Variants in SYT14 observed in about 807,000 individuals in gnomAD.
SYT14 encodes synaptotagmin-14.
A neutral mutation model predicts 74.2 loss-of-function variants in SYT14; 32 were observed. The observed-to-expected ratio is 0.43, with a 90% confidence interval of 0.33 to 0.58. SYT14 has a LOEUF of 0.58. Among genes scored for constraint, SYT14 ranks in the 20% least tolerant of loss-of-function variants. The pLI, the probability that SYT14 is intolerant of heterozygous loss-of-function variation, is 0.05. For synonymous variants in SYT14, 298 were observed against 337.7 expected, an observed-to-expected ratio of 0.88 and a Z score of 1.29; for missense variants, 791 against 981.8, an observed-to-expected ratio of 0.81 and a Z score of 2.60.
chr1:209,967,671 A>G (rs891075595), intron 2 of SYT14, among the ~76,000 whole-genome samples: 9 of 152,044 alleles, frequency 5.9e-5, no homozygotes, highest in African/African-American at 2.2e-4. Context: ...TTCATTTCTG[A>G]TATTGATAAT....
intron 1 of SYT14, among the ~76,000 whole-genome samples, chr1:209,944,361 G>A (rs566027930): frequency 1.3e-5 from 2 of 152,068 alleles, no homozygotes; most frequent in African/African-American, 4.8e-5. Context: ...TTGGAAAAAA[G>A]GATTAATTTG....
chr1:210,073,688 T>C, intron 5 of SYT14, among the ~76,000 whole-genome samples: 1 of 152,028 alleles, frequency 6.6e-6, no homozygotes, highest in South Asian at 2.1e-4. Context: ...ATGTTTTGGG[T>C]TTTTGTTTTT....
At chr1:210,036,830 TG>T (rs2080675323) in intron 5 of SYT14, among the ~76,000 whole-genome samples, 2 of 152,136 alleles carry the variant, frequency 1.3e-5, no homozygotes, top group Non-Finnish European at 2.9e-5. Context: ...AGGTTCAGTT[TG>T]CTAGTACTTT....
At chr1:209,963,063 G>A (rs1379918653) in intron 2 of SYT14, among the ~76,000 whole-genome samples, 1 of 152,108 alleles carries the variant, frequency 6.6e-6, no homozygotes, top group Non-Finnish European at 1.5e-5. Context: ...AAATCACATT[G>A]AAATGGAACA....
chr1:209,969,881 T>G (rs910244217), intron 2 of SYT14, among the ~76,000 whole-genome samples: 5 of 152,174 alleles, frequency 3.3e-5, no homozygotes, highest in African/African-American at 1.2e-4. Context: ...AGTGTCTGTT[T>G]ATGTCTTTGC....
chr1:210,080,617 G>A (rs2081599195), intron 5 of SYT14, among the ~76,000 whole-genome samples: 1 of 152,220 alleles, frequency 6.6e-6, no homozygotes, highest in African/African-American at 2.4e-5. Context: ...TTTAAAAATT[G>A]TGATGTAGCA....
chr1:210,044,581 T>C (rs1366749843), intron 5 of SYT14, among the ~76,000 whole-genome samples: 1 of 152,208 alleles, frequency 6.6e-6, no homozygotes, highest in Non-Finnish European at 1.5e-5. Context: ...CTGGATCTTG[T>C]AGTTTTGATA....
intron 5 of SYT14, among the ~76,000 whole-genome samples, chr1:210,045,364 T>C (rs1162287978): frequency 6.6e-6 from 1 of 152,210 alleles, no homozygotes; most frequent in African/African-American, 2.4e-5. Context: ...AGTTAATTTG[T>C]AGTTCATTTA....
chr1:210,065,771 A>T (rs560727554), intron 5 of SYT14, among the ~76,000 whole-genome samples: 36 of 152,140 alleles, frequency 2.4e-4, no homozygotes, highest in African/African-American at 7.9e-4. Context: ...ACATGTGCAC[A>T]ACGTGCAGGT....
rs150194515 is a variant in SYT14 at position 210,033,181 on chromosome 1, A to C, written c.1312+11927A>C. Among the ~76,000 whole-genome samples, 1,193 of 152,038 alleles carry C rather than the reference A, an allele frequency of 7.8e-3. 20 individuals are homozygous for C. The highest frequency in any genetic ancestry group is 0.027 in the African/African-American group (1,139 of 41,562). On this transcript the variant is annotated intron_variant, in intron 5 of 9. Coordinates refer to ENST00000637265, the Ensembl canonical transcript of SYT14. Reference sequence around the variant, plus strand: ...GAGTTTTGAGAAGCAAAAAGAAAAGAGACCTGACTGAATGCAAATTTTATT... The same window carrying C: ...GAGTTTTGAGAAGCAAAAAGAAAAGCGACCTGACTGAATGCAAATTTTATT...
intron 5 of SYT14, among the ~76,000 whole-genome samples, chr1:210,061,143 T>C (rs1485104456): frequency 6.6e-6 from 1 of 151,992 alleles, no homozygotes; most frequent in East Asian, 1.9e-4. Context: ...CTCTATCCCA[T>C]TAATTTCATC....
chr1:210,094,263 G>C, intron 5 of SYT14, 59 bp from the exon 5 acceptor site: 1 of 1,608,902 alleles, frequency 6.2e-7, no homozygotes, highest in Non-Finnish European at 8.5e-7. Flanking sequence ...AATTATTGTA[G>C]ACTATACTGT....
rs1001632701 is a variant in SYT14, at chr1:210,153,171, T to C, written c.2035-2550T>C. On this transcript the variant is annotated intron_variant, in intron 7 of 9. Transcript: ENST00000637265. ...TCATAGGGTATGTGTATTTATAACA[T>C]TTAAAACATTGGTATCACTCCACAT... is the stretch of plus-strand genomic sequence containing the variant. Among the ~76,000 whole-genome samples, 5 of 152,178 alleles carry C rather than the reference T, an allele frequency of 3.3e-5. No individual in the cohort carries two copies. The East Asian group carries it at 7.7e-4, about 23-fold the overall frequency.
chr1:210,158,309 T>G (rs1386146704), intron 8 of SYT14, among the ~76,000 whole-genome samples: 3 of 152,150 alleles, frequency 2.0e-5, no homozygotes, highest in Non-Finnish European at 4.4e-5. Context: ...GTGAGGCCTG[T>G]GACAAACATA....
chr1:210,004,746 C>T (rs1221591593), intron 2 of SYT14, among the ~76,000 whole-genome samples: 2 of 151,986 alleles, frequency 1.3e-5, no homozygotes, highest in Non-Finnish European at 2.9e-5. Flanking sequence ...TCAGAGGTTA[C>T]TCAGCAAATC....
rs2080186691 is a variant in SYT14 at position 210,016,474 on chromosome 1, G to A, written c.471G>A (p.Gln157=). 4.1e-6 allele frequency: 5 copies of A among 1,231,896 alleles called. No homozygotes were observed. In the South Asian group the frequency reaches 2.1e-4, roughly 51 times the overall value. 76.3% of individuals were successfully genotyped at this position (1,231,896 alleles called of 1,614,324 possible). ...ATGGTGGGATATCAGTTATCAGACAGAATACAAGGGCTGGATCTATTTGTC... is the reference window on the plus strand; with the variant it reads ...ATGGTGGGATATCAGTTATCAGACAAAATACAAGGGCTGGATCTATTTGTC... Residue 157 remains glutamine, a synonymous_variant, in exon 4 of 10, where the codon CAG becomes CAA. Transcript: ENST00000637265.
chr1:210,110,736 T>C (rs572870683), intron 7 of SYT14, among the ~76,000 whole-genome samples: 42 of 152,328 alleles, frequency 2.8e-4, no homozygotes, highest in Middle Eastern at 3.4e-3. Context: ...TTTATAGAAA[T>C]ATATTAGATT....
rs142393329 is a variant in SYT14, at chr1:210,088,612, A to G, written c.1313-5710A>G. Among the ~76,000 whole-genome samples, 1,351 of 152,206 alleles carry G rather than the reference A, an allele frequency of 8.9e-3. 16 individuals carry two copies. Among genetic ancestry groups the G allele is most frequent in the African/African-American group, 0.031 (1,275 of 41,524 alleles). ...AATGCCCATCAATGTTAGACTGGATAAAGAAAATGTGGCACATATATACCA... is the reference window on the plus strand; with the variant it reads ...AATGCCCATCAATGTTAGACTGGATGAAGAAAATGTGGCACATATATACCA... On this transcript the variant is annotated intron_variant, in intron 5 of 9. Coordinates refer to ENST00000637265, the Ensembl canonical transcript of SYT14.
At chr1:210,034,810 A>G (rs978126648) in intron 5 of SYT14, among the ~76,000 whole-genome samples, 3 of 151,770 alleles carry the variant, frequency 2.0e-5, no homozygotes, top group African/African-American at 4.8e-5. Context: ...CATGATTTCA[A>G]TTTTTTATGG....
Sources: gnomAD v4.1 joint callset for allele counts (sites outside exome capture counted in the v4.1 genomes callset) on GRCh38, gnomAD v4.1.1 for gene constraint, MANE v1.5 for transcripts, NCBI Gene and HGNC (gene_info 2026-07-23, HGNC 2026-07-21) for gene names.